The following PLCB1 variants were observed in gnomAD, a reference collection of about 807,000 sequenced individuals.
The protein encoded by PLCB1 is 1-phosphatidylinositol 4,5-bisphosphate phosphodiesterase beta-1.
A neutral mutation model predicts 161.8 loss-of-function variants in PLCB1; 46 were observed. The observed-to-expected ratio is 0.28, with a 90% CI of 0.22 to 0.36. The LOEUF (loss-of-function observed/expected upper bound fraction) is 0.36. PLCB1 is among the 10% of genes least tolerant of loss of function. PLCB1 has a pLI of 1.00. For synonymous variants in PLCB1, 517 were observed against 503.7 expected, an observed-to-expected ratio of 1.03 and a Z score of -0.35; for missense variants, 1,016 against 1,472.5, an observed-to-expected ratio of 0.69 and a Z score of 5.07.
At chr20:8,584,495 C>T (rs181953436) in intron 3 of PLCB1, among the ~76,000 whole-genome samples, 2 of 151,776 alleles carry the variant, frequency 1.3e-5, no homozygotes, top group Admixed American at 1.3e-4. Context: ...CACACACACA[C>T]ACACACACAC....
chr20:8,629,041 A>C (rs1988447316), intron 4 of PLCB1, among the ~76,000 whole-genome samples: 1 of 152,160 alleles, frequency 6.6e-6, no homozygotes, highest in Non-Finnish European at 1.5e-5. Flanking sequence ...CTTTCTCCCA[A>C]GTCATTCTCT....
At chr20:8,681,086 G>GTATATATATATATATATATATATA (rs202198416) in intron 9 of PLCB1, among the ~76,000 whole-genome samples, 1 of 73,842 alleles carries the variant, frequency 1.4e-5, no homozygotes, top group African/African-American at 5.5e-5. Context: ...ATGTGTGTGT[G>GTATATATATATATATATATATATA]TATATATATA....
intron 4 of PLCB1, among the ~76,000 whole-genome samples, chr20:8,631,474 A>C (rs1988586955): frequency 6.6e-6 from 1 of 152,226 alleles, no homozygotes; most frequent in African/African-American, 2.4e-5. Context: ...CACATTAAGT[A>C]AGAAAAACAT....
At chr20:8,133,336 G>T (rs1482354282) in intron 1 of PLCB1, among the ~76,000 whole-genome samples, 1 of 152,162 alleles carries the variant, frequency 6.6e-6, no homozygotes, top group Non-Finnish European at 1.5e-5. Context: ...GAAAAGGGCT[G>T]CGGGGACACA....
At chr20:8,869,916 T>C (rs4083408) in intron 31 of PLCB1, among the ~76,000 whole-genome samples, 45,552 of 152,088 alleles carry the variant, frequency 0.3, 6,995 homozygotes, top group South Asian at 0.47. Context: ...CTCTTTTCCT[T>C]GTGTTAAATC....
chr20:8,633,604 G>T (rs557715068), intron 4 of PLCB1, among the ~76,000 whole-genome samples: 8 of 152,202 alleles, frequency 5.3e-5, no homozygotes, highest in African/African-American at 1.9e-4. Context: ...GAAGCTGAGA[G>T]GAGGCAGCCA....
intron 2 of PLCB1, among the ~76,000 whole-genome samples, chr20:8,269,412 C>T (rs1982162114): frequency 6.6e-6 from 1 of 152,056 alleles, no homozygotes; most frequent in Admixed American, 6.6e-5. Context: ...ATAATAATTA[C>T]TATTGCAAGG....
intron 3 of PLCB1, among the ~76,000 whole-genome samples, chr20:8,475,529 G>C (rs1321036216): frequency 6.6e-6 from 1 of 152,212 alleles, no homozygotes; most frequent in Admixed American, 6.5e-5. Context: ...GAGGAGTTCA[G>C]CCTGTGTTCG....
intron 9 of PLCB1, among the ~76,000 whole-genome samples, chr20:8,661,291 A>G (rs2123329722): frequency 6.6e-6 from 1 of 152,220 alleles, no homozygotes; most frequent in African/African-American, 2.4e-5. Context: ...GCCCCAACTT[A>G]TCACTTAAGA....
At chr20:8,219,017 T>C (rs1979277371) in intron 2 of PLCB1, among the ~76,000 whole-genome samples, 1 of 152,130 alleles carries the variant, frequency 6.6e-6, no homozygotes, top group South Asian at 2.1e-4. Context: ...TTTCCTTTGT[T>C]TTGTTAAGAA....
rs561874664 is a variant in PLCB1 at position 8,351,576 on chromosome 20, A to G, written c.178-19806A>G. ...AAAGACATAGACTGGGAGAAAGTAT[A>G]TGGAAATCACATTGTGATAAAAGAA... is the stretch of plus-strand genomic sequence containing the variant. On this transcript the variant is annotated intron_variant, in intron 2 of 31. Transcript: ENST00000338037. 1.6e-4 allele frequency among the ~76,000 whole-genome samples: 25 copies of G among 152,224 alleles called. No individual in the cohort carries two copies. In the South Asian group the frequency reaches 1.9e-3, roughly 11 times the overall value.
At chr20:8,684,460 G>T (rs1376302597) in intron 9 of PLCB1, among the ~76,000 whole-genome samples, 2 of 150,700 alleles carry the variant, frequency 1.3e-5, no homozygotes, top group Non-Finnish European at 3.0e-5. Context: ...CGCCATATTG[G>T]CCAGGCTGGT....
intron 31 of PLCB1, chr20:8,802,435 C>T (rs1984329548): frequency 2.6e-6 from 1 of 390,244 alleles, no homozygotes; most frequent in Non-Finnish European, 4.5e-6. Context: ...CCTCTTTCTC[C>T]ATTTTGTTTC....
intron 3 of PLCB1, among the ~76,000 whole-genome samples, chr20:8,567,066 T>G (rs1369507427): frequency 1.3e-5 from 2 of 152,176 alleles, no homozygotes; most frequent in Non-Finnish European, 2.9e-5. Flanking sequence ...ATCTAATTTT[T>G]CTCAATGAGA....
chr20:8,261,353 C>T (rs909908861), intron 2 of PLCB1, among the ~76,000 whole-genome samples: 1 of 152,052 alleles, frequency 6.6e-6, no homozygotes, highest in African/African-American at 2.4e-5. Flanking sequence ...GGTAAGAACC[C>T]CTCTGCCTCC....
chr20:8,658,983 G>A (rs1461213898), intron 9 of PLCB1, among the ~76,000 whole-genome samples: 2 of 152,220 alleles, frequency 1.3e-5, no homozygotes, highest in Middle Eastern at 3.4e-3. Context: ...GTGACTGAAT[G>A]CATATTTCAT....
chr20:8,501,323 A>T (rs1983394327), intron 3 of PLCB1, among the ~76,000 whole-genome samples: 1 of 152,266 alleles, frequency 6.6e-6, no homozygotes, highest in Non-Finnish European at 1.5e-5. Context: ...ACTCCATTGG[A>T]TGAGCAGTAG....
At chr20:8,468,811 T>G (rs761882951) in intron 3 of PLCB1, among the ~76,000 whole-genome samples, 1 of 152,178 alleles carries the variant, frequency 6.6e-6, no homozygotes, top group African/African-American at 2.4e-5. Flanking sequence ...GCTATAAAAA[T>G]GATATTAATT....
At chr20:8,663,363 T>C (rs1203792760) in intron 9 of PLCB1, among the ~76,000 whole-genome samples, 1 of 152,096 alleles carries the variant, frequency 6.6e-6, no homozygotes, top group Non-Finnish European at 1.5e-5. Context: ...ACATTTTACA[T>C]AATTTTTACA....
Sources: gnomAD v4.1 joint callset for allele counts (sites outside exome capture counted in the v4.1 genomes callset) on GRCh38, gnomAD v4.1.1 for gene constraint, MANE v1.5 for transcripts, NCBI Gene and HGNC (gene_info 2026-07-23, HGNC 2026-07-21) for gene names.